Variants in TSPAN5 observed in about 807,000 individuals in gnomAD.
The protein encoded by TSPAN5 is tetraspanin 5, also known as tetraspanin-5.
TSPAN5 carries 10 observed loss-of-function variants against 37.1 expected under a neutral mutation model. The ratio of observed to expected loss-of-function variants is 0.27; its 90% CI spans 0.17 to 0.46. The LOEUF (loss-of-function observed/expected upper bound fraction) is 0.46, where lower values mean the gene tolerates loss of function less well. TSPAN5 is among the 20% of genes least tolerant of loss of function. The pLI is 1.00. For synonymous variants in TSPAN5, 110 were observed against 118.9 expected (o/e 0.93, Z 0.48); for missense variants, 195 against 326.6 (o/e 0.60, Z 3.11).
intron 1 of TSPAN5, among the ~76,000 whole-genome samples, chr4:98,575,240 T>C (rs1047903826): frequency 5.3e-5 from 8 of 152,198 alleles, no homozygotes; most frequent in South Asian, 2.1e-4. Flanking sequence ...ATTTAAAATA[T>C]GTAAGTCATC....
chr4:98,535,043 T>G (rs979712892), intron 1 of TSPAN5, among the ~76,000 whole-genome samples: 4 of 152,246 alleles, frequency 2.6e-5, no homozygotes, highest in African/African-American at 9.6e-5. Flanking sequence ...TTAAGGTTAA[T>G]ATTGTTATGT....
chr4:98,584,603 T>C (rs1207718430), intron 1 of TSPAN5, among the ~76,000 whole-genome samples: 1 of 152,236 alleles, frequency 6.6e-6, no homozygotes, highest in East Asian at 1.9e-4. Context: ...TTCAAAGTCA[T>C]GCCCAAAATC....
intron 1 of TSPAN5, among the ~76,000 whole-genome samples, chr4:98,544,364 T>G (rs1252537589): frequency 6.6e-6 from 1 of 152,192 alleles, no homozygotes; most frequent in East Asian, 1.9e-4. Context: ...GAGTCCCTAC[T>G]GCAACCAAAC....
intron 2 of TSPAN5, among the ~76,000 whole-genome samples, chr4:98,490,827 G>A (rs747001807): frequency 2.0e-5 from 3 of 152,138 alleles, no homozygotes; most frequent in Non-Finnish European, 4.4e-5. Flanking sequence ...TTGGGAGGCC[G>A]AGGCGGGCAG....
intron 1 of TSPAN5, among the ~76,000 whole-genome samples, chr4:98,615,189 C>A (rs1185245820): frequency 2.6e-5 from 4 of 152,170 alleles, no homozygotes; most frequent in Admixed American, 2.6e-4. Flanking sequence ...GTGTAACCTG[C>A]TATGAAAACC....
In TSPAN5 at chr4:98,609,977, G is replaced by C. The variant is rs114078749; in HGVS notation, c.81+48169C>G. ...GAGGGCTCCTCATTTAACACAAACA[G>C]GCTAATATAATTCGCAGAGGCATTA... On this transcript the variant is annotated intron_variant, in intron 1 of 7. Transcript: ENST00000305798. Among the ~76,000 whole-genome samples, 901 of 152,250 alleles carry C rather than the reference G, an allele frequency of 5.9e-3. 9 individuals carry two copies. Among genetic ancestry groups the C allele is most frequent in the African/African-American group, 0.021 (855 of 41,542 alleles).
chr4:98,505,837 T>A (rs1305218716), intron 2 of TSPAN5, among the ~76,000 whole-genome samples: 1 of 152,182 alleles, frequency 6.6e-6, no homozygotes, highest in Non-Finnish European at 1.5e-5. Flanking sequence ...GGAGTTCTGC[T>A]ACATGGAGCT....
chr4:98,548,506 C>T (rs1159918998), intron 1 of TSPAN5, among the ~76,000 whole-genome samples: 2 of 151,816 alleles, frequency 1.3e-5, no homozygotes, highest in Admixed American at 1.3e-4. Flanking sequence ...GGCACAGTGG[C>T]AATTTTTTTT....
At chr4:98,564,317 T>C (rs1754948575) in intron 1 of TSPAN5, among the ~76,000 whole-genome samples, 1 of 152,228 alleles carries the variant, frequency 6.6e-6, no homozygotes, top group Non-Finnish European at 1.5e-5. Flanking sequence ...AAACATCTTT[T>C]CCTGTGTAAA....
intron 2 of TSPAN5, among the ~76,000 whole-genome samples, chr4:98,489,597 C>T (rs1454551469): frequency 6.6e-6 from 1 of 152,148 alleles, no homozygotes; most frequent in Admixed American, 6.5e-5. Context: ...TGCTGATTGC[C>T]GTCGTTGTAG....
chr4:98,590,437 G>A (rs11938326), intron 1 of TSPAN5, among the ~76,000 whole-genome samples: 18,695 of 152,142 alleles, frequency 0.12, 1,285 homozygotes, highest in African/African-American at 0.19. Context: ...TTGGCCAGGC[G>A]TGGTTGCTCA....
intron 2 of TSPAN5, among the ~76,000 whole-genome samples, chr4:98,487,295 G>T (rs944192538): frequency 6.7e-6 from 1 of 150,258 alleles, no homozygotes; most frequent in Non-Finnish European, 1.5e-5. Flanking sequence ...ACCCTGTAAG[G>T]AGAAGACGTG....
intron 1 of TSPAN5, among the ~76,000 whole-genome samples, chr4:98,528,597 A>G (rs1754013857): frequency 1.3e-5 from 2 of 152,160 alleles, no homozygotes; most frequent in African/African-American, 2.4e-5. Context: ...TAGACCTCAT[A>G]CTTAACCCAA....
At chr4:98,577,189 T>G (rs1352078953) in intron 1 of TSPAN5, among the ~76,000 whole-genome samples, 5 of 151,826 alleles carry the variant, frequency 3.3e-5, no homozygotes, top group Admixed American at 3.3e-4. Context: ...TTCATACTTC[T>G]CTCTCATATT....
At chr4:98,517,295 CCA>C (rs1222751497) in intron 1 of TSPAN5, among the ~76,000 whole-genome samples, 84 of 152,048 alleles carry the variant, frequency 5.5e-4, no homozygotes, top group African/African-American at 2.0e-3. Flanking sequence ...AGCCACACAT[CCA>C]CTTGCAGGAA....
chr4:98,610,190 C>T (rs1244810647), intron 1 of TSPAN5, among the ~76,000 whole-genome samples: 2 of 152,148 alleles, frequency 1.3e-5, no homozygotes, highest in Non-Finnish European at 1.5e-5. Flanking sequence ...TTGCAAAGGG[C>T]CTTCTTGTTG....
chr4:98,508,304 C>T lies in TSPAN5; in HGVS notation c.82-576G>A, dbSNP rs143989492. 4.4e-4 allele frequency among the ~76,000 whole-genome samples: 67 copies of T among 152,236 alleles called. 1 individual carries two copies. Among genetic ancestry groups the T allele is most frequent in the East Asian group, 2.5e-3 (13 of 5,176 alleles). Reference sequence around the variant, plus strand: ...TGTAAATTTTAGTTCAGAGGACCTCCCACCACCCTTCTTGGTTTTGACTCA... The same window carrying T: ...TGTAAATTTTAGTTCAGAGGACCTCTCACCACCCTTCTTGGTTTTGACTCA... On this transcript the variant is annotated intron_variant, in intron 1 of 7. Transcript: ENST00000305798.
intron 2 of TSPAN5, among the ~76,000 whole-genome samples, chr4:98,495,441 C>G (rs1753181285): frequency 6.6e-6 from 1 of 150,762 alleles, no homozygotes; most frequent in African/African-American, 2.4e-5. Context: ...AGGAGAATGG[C>G]ATGAACCCGG....
intron 1 of TSPAN5, among the ~76,000 whole-genome samples, chr4:98,585,701 T>C (rs1031678478): frequency 6.6e-6 from 1 of 152,240 alleles, no homozygotes; most frequent in Non-Finnish European, 1.5e-5. Flanking sequence ...GTTTCTGAGT[T>C]ATTTCACTTA....
Sources: allele counts gnomAD v4.1 joint callset (sites outside exome capture counted in the v4.1 genomes callset), GRCh38; gene constraint gnomAD v4.1.1; transcripts MANE v1.5; gene names NCBI Gene and HGNC (gene_info 2026-07-23, HGNC 2026-07-21).